LAMA5: variants seen among roughly 807,000 people sequenced by gnomAD.
The protein encoded by LAMA5 is laminin subunit alpha-5.
A neutral mutation model predicts 433.4 loss-of-function variants in LAMA5; 260 were observed. The observed-to-expected ratio is 0.60, with a 90% CI of 0.54 to 0.66. The LOEUF (loss-of-function observed/expected upper bound fraction) is 0.66, where lower values mean the gene tolerates loss of function less well. Among genes scored for constraint, LAMA5 ranks in the 30% least tolerant of loss-of-function variants. The probability of loss-of-function intolerance (pLI) is 0.00; values close to 1 mark genes in which losing one functional copy is unlikely to be tolerated. For synonymous variants in LAMA5, 2,620 were observed against 2,226.6 expected (o/e 1.18, Z -4.97); for missense variants, 5,378 against 5,258.5 (o/e 1.02, Z -0.70).
At position 62,332,030 on chromosome 20, in the gene LAMA5, C is replaced by T. The variant is rs1212837829; in HGVS notation, c.3552+342G>A. Among the ~76,000 whole-genome samples, 9 of 149,504 alleles carry T rather than the reference C, an allele frequency of 6.0e-5. No homozygotes were observed. In the South Asian group the frequency reaches 1.5e-3, roughly 24 times the overall value. ...TCTTGCCATTGCGCTCCAGCCTGGG[C>T]GACAGAGTGAGACTCCATTTCAAAA... On this transcript the variant is annotated intron_variant, in intron 28 of 79. Transcript: ENST00000252999.
chr20:62,333,307 G>GGGGAAGCCAGGCACAGTGGGGGCCC (rs1980849318), intron 25 of LAMA5, 64 bp from the exon 26 acceptor site: 1 of 1,595,316 alleles, frequency 6.3e-7, no homozygotes, highest in African/African-American at 1.3e-5. Context: ...AGCCTGAGTG[G>GGGGAAGCCAGGCACAGTGGGGGCCC]GGGAAGCCAG....
intron 1 of LAMA5, among the ~76,000 whole-genome samples, chr20:62,365,273 C>G (rs1381831326): frequency 1.3e-5 from 2 of 152,244 alleles, no homozygotes; most frequent in Non-Finnish European, 2.9e-5. Flanking sequence ...TGGCCACTTC[C>G]CAGGCTCCTC....
In LAMA5 at chr20:62,319,459, G is replaced by T. The variant is rs75531490; in HGVS notation, c.6871+225C>A. Among the ~76,000 whole-genome samples the T allele has an allele frequency of 6.1e-3, 923 of 152,266 alleles. 4 individuals carry two copies. Among genetic ancestry groups the T allele is most frequent in the African/African-American group, 0.021 (870 of 41,558 alleles). On this transcript the variant is annotated intron_variant, in intron 51 of 79. Transcript: ENST00000252999. ...ACATCTAACCGGCACATTTCCTGGG[G>T]AGGCTGTCGAGGGGTCTGACGTCTC...
Position 62,318,727 on chromosome 20 carries a change from G to A in LAMA5, c.7043-77C>T, listed in dbSNP as rs533887980. 6.4e-5 allele frequency: 101 copies of A among 1,569,390 alleles called. 1 individual carries two copies. Among genetic ancestry groups the A allele is most frequent in the South Asian group, 5.7e-4 (50 of 88,266 alleles). On this transcript the variant is annotated intron_variant, in intron 52 of 79. Transcript: ENST00000252999. ...GACCCCTGGTCTCCACTTGGTGCCCGCCAGATCCATCTGCCCCGTGATGCC... is the reference window on the plus strand; with the variant it reads ...GACCCCTGGTCTCCACTTGGTGCCCACCAGATCCATCTGCCCCGTGATGCC...
intron 28 of LAMA5, among the ~76,000 whole-genome samples, chr20:62,331,861 G>A (rs948662783): frequency 2.6e-5 from 4 of 152,152 alleles, no homozygotes; most frequent in Admixed American, 6.5e-5. Flanking sequence ...AGAATAGCCT[G>A]GCCAATATGG....
chr20:62,315,215 G>A lies in LAMA5; in HGVS notation c.7868-8C>T, dbSNP rs758121083. The stretch of plus-strand genomic sequence containing the variant: ...TCTTCTTGCTTGTCTCGTCTGTGGT[G>A]GGCAGAGGGCAGGCTCAGCAGGGGC... On this transcript the variant is annotated splice_region_variant and splice_polypyrimidine_tract_variant and intron_variant, in intron 58 of 79. Transcript: ENST00000252999. 3.8e-5 allele frequency: 60 copies of A among 1,595,756 alleles called. 1 individual carries two copies. The Middle Eastern group carries it at 1.3e-3, about 36-fold the overall frequency.
rs1980780126 is a variant in LAMA5 at position 62,333,009 on chromosome 20, C to T, written c.3282+81G>A. The T allele has an allele frequency of 2.2e-6, 3 of 1,387,226 alleles. No individual in the cohort carries two copies. The African/African-American group carries it at 4.6e-5, about 21-fold the overall frequency. The allele number at this position is 1,387,226 out of a possible 1,614,324, so 85.9% of individuals were successfully genotyped here. A position where few individuals can be genotyped will look rare whatever the true frequency, so the allele number is the denominator to read the frequency against. ...CTGAGGCAGCGCCCTGCTCCTATAA[C>T]CTGCCACCGCCACAGGACCCCCAGC... On this transcript the variant is annotated intron_variant, in intron 26 of 79. Coordinates refer to ENST00000252999, the MANE Select transcript of LAMA5 (RefSeq NM_005560.6).
At chr20:62,333,833 G>GAGAGT in intron 23 of LAMA5, 68 bp downstream of exon 23, 1 of 1,438,390 alleles carries the variant, frequency 7.0e-7, no homozygotes, top group East Asian at 2.6e-5. Context: ...GGCGGGGCTT[G>GAGAGT]GGAGTGGGGT....
intron 3 of LAMA5, among the ~76,000 whole-genome samples, chr20:62,352,843 C>G (rs1032719439): frequency 6.6e-6 from 1 of 152,152 alleles, no homozygotes; most frequent in African/African-American, 2.4e-5. Context: ...CTGCCAGGCC[C>G]CTTTTGTCAC....
chr20:62,322,271 C>A lies in LAMA5; in HGVS notation c.6344G>T (p.Arg2115Met). ...GYWGLPEQGCRRCQCPGGRCD... is the reference protein window; with the variant it reads ...GYWGLPEQGCMRCQCPGGRCD... Reference sequence around the variant, plus strand: ...TCCTGTGACCGGCCAGCACTCACGCCTGCAGCCCTGCTCAGGGAGCCCCCA... The same window carrying A: ...TCCTGTGACCGGCCAGCACTCACGCATGCAGCCCTGCTCAGGGAGCCCCCA... Residue 2115 changes from arginine (R) to methionine (M), a missense_variant and splice_region_variant, in exon 47 of 80, where the codon AGG (arginine) becomes ATG (methionine). Transcript: ENST00000252999. 1 of 1,594,922 alleles carries A rather than the reference C, an allele frequency of 6.3e-7. No homozygotes were observed. Among genetic ancestry groups the A allele is most frequent in the Non-Finnish European group, 8.5e-7 (1 of 1,173,814 alleles).
chr20:62,314,242 GAT>G, intron 62 of LAMA5, 60 bp downstream of exon 62: 1 of 1,566,112 alleles, frequency 6.4e-7, no homozygotes, highest in Non-Finnish European at 8.7e-7. Context: ...AGAGGGGAGA[GAT>G]GGCGAACGGG....
chr20:62,346,762 C>T lies in LAMA5; in HGVS notation c.1111G>A (p.Asp371Asn), dbSNP rs370545050. ...CYGHATDCYY[D>N]PEVDRRRASQ... ...GCGCGGCGCCGGTCCACCTCAGGGTCGTAGTAACAGTCGGTGGCATGGCCG... is the reference window on the plus strand; with the variant it reads ...GCGCGGCGCCGGTCCACCTCAGGGTTGTAGTAACAGTCGGTGGCATGGCCG... Residue 371 changes from aspartate (D) to asparagine (N), a missense_variant, in exon 8 of 80, where the codon GAC (aspartate) becomes AAC (asparagine). By Grantham distance (23) the Asp-to-Asn change is conservative. Coordinates refer to ENST00000252999, the MANE Select transcript of LAMA5 (RefSeq NM_005560.6). 90 of 1,612,822 alleles carry T rather than the reference C, an allele frequency of 5.6e-5. No homozygotes were observed. The highest frequency in any genetic ancestry group is 3.3e-4 in the Middle Eastern group (2 of 6,062).
chr20:62,311,494 C>G lies in LAMA5; in HGVS notation c.9849G>C (p.Leu3283=). Residue 3283 remains leucine (L), a synonymous_variant, in exon 72 of 80, where the codon CTG becomes CTC. Coordinates refer to ENST00000252999, the MANE Select transcript of LAMA5 (RefSeq NM_005560.6). ...AGCCCGTGCTCACATTGACGCTGCC[C>G]AGGTTCTGCTGCAGATCAAATACGC... ...PQRVFDLQQN[L]GSVNVSTGCA... 6.2e-7 allele frequency: 1 copy of G among 1,610,936 alleles called. No homozygotes were observed. Among genetic ancestry groups the G allele is most frequent in the Non-Finnish European group, 8.5e-7 (1 of 1,179,006 alleles).
intron 2 of LAMA5, among the ~76,000 whole-genome samples, chr20:62,358,611 C>T (rs1472865132): frequency 2.6e-5 from 4 of 152,108 alleles, no homozygotes; most frequent in Admixed American, 6.5e-5. Context: ...CGCGCTGGGC[C>T]TCCGGCAGGT....
At chr20:62,333,770 C>T in intron 23 of LAMA5, 64 bp from the exon 24 acceptor site, 2 of 1,339,422 alleles carry the variant, frequency 1.5e-6, no homozygotes, top group Non-Finnish European at 2.0e-6. Flanking sequence ...GCTGCACCCC[C>T]TACAGGGTTG....
At position 62,314,954 on chromosome 20, in the gene LAMA5, A is replaced by G; in HGVS notation, c.8048-7T>C. On this transcript the variant is annotated splice_polypyrimidine_tract_variant and splice_region_variant and intron_variant, in intron 59 of 79. Transcript: ENST00000252999. ...GTCTTCTCCAGGGTGGACACTGCAGAGAGGGAGACCTGAGACCTTTGCCCC... is the reference window on the plus strand; with the variant it reads ...GTCTTCTCCAGGGTGGACACTGCAGGGAGGGAGACCTGAGACCTTTGCCCC... 6.3e-7 allele frequency: 1 copy of G among 1,592,996 alleles called. No individual in the cohort carries two copies.
Position 62,359,031 on chromosome 20 carries a change from C to T in LAMA5, c.450+3369G>A, listed in dbSNP as rs1459499848. 6.6e-6 allele frequency among the ~76,000 whole-genome samples: 1 copy of T among 152,154 alleles called. No individual in the cohort carries two copies. Among genetic ancestry groups the T allele is most frequent in the East Asian group, 1.9e-4 (1 of 5,182 alleles). Reference sequence around the variant, plus strand: ...TACCCTGCCAGCCCCAGTTCCCCCACACCTTGACCCCCACCTGGGCCTCCC... The same window carrying T: ...TACCCTGCCAGCCCCAGTTCCCCCATACCTTGACCCCCACCTGGGCCTCCC... On this transcript the variant is annotated intron_variant, in intron 2 of 79. Coordinates refer to ENST00000252999, the MANE Select transcript of LAMA5 (RefSeq NM_005560.6). This position sits in a 1 kb window ranked among gnomAD's most constrained non-coding sequence, Gnocchi z 4.3.
chr20:62,328,681 G>A (rs1979769279), intron 34 of LAMA5, among the ~76,000 whole-genome samples, 163 bp downstream of exon 34: 1 of 152,202 alleles, frequency 6.6e-6, no homozygotes, highest in South Asian at 2.1e-4. Context: ...CTTCTGCATG[G>A]CCCGCAAGCT....
intron 2 of LAMA5, among the ~76,000 whole-genome samples, chr20:62,353,698 T>C (rs912481263): frequency 1.3e-5 from 2 of 152,018 alleles, no homozygotes. Flanking sequence ...CAGACAGTGG[T>C]CCCTGCCACC....
Sources: gnomAD v4.1 joint callset for allele counts (sites outside exome capture counted in the v4.1 genomes callset) on GRCh38, gnomAD v4.1.1 for gene constraint, Gnocchi (gnomAD v3.1) non-coding constraint, MANE v1.5 for transcripts, NCBI Gene and HGNC (gene_info 2026-07-23, HGNC 2026-07-21) for gene names.